The following MFAP3L variants were observed in gnomAD, a reference collection of about 807,000 sequenced individuals.
MFAP3L encodes microfibril associated protein 3 like.
A neutral mutation model predicts 20.0 loss-of-function variants in MFAP3L; 5 were observed. That is an observed-to-expected ratio of 0.25 (90% CI 0.13 to 0.53). The LOEUF (loss-of-function observed/expected upper bound fraction) is 0.53, where lower values mean the gene tolerates loss of function less well. MFAP3L is among the 20% of genes least tolerant of loss of function. MFAP3L has a pLI of 0.96. For missense variants in MFAP3L, 409 were observed against 527.5 expected (o/e 0.78, Z 2.20); for synonymous variants, 219 against 213.0 (o/e 1.03, Z -0.25).
chr4:170,003,540 C>T (rs765845334), intron 2 of MFAP3L: 53 of 331,570 alleles, frequency 1.6e-4, no homozygotes, highest in Non-Finnish European at 2.2e-4. Context: ...AGATACTACA[C>T]TTTGGGATAA....
chr4:169,988,707 AT>A lies in MFAP3L; in HGVS notation c.*2670del. The A allele has an allele frequency of 6.6e-6, 1 of 152,254 alleles. No individual in the cohort carries two copies. Among genetic ancestry groups the A allele is most frequent in the Non-Finnish European group, 1.5e-5 (1 of 68,018 alleles). 9.4% of individuals were successfully genotyped at this position (152,254 alleles called of 1,614,324 possible). A position where few individuals can be genotyped will look rare whatever the true frequency, so the allele number is the denominator to read the frequency against. ...GTAGGATGGATAGGAAGAGTGTAGC[AT>A]TTTTGGAAGGAGAAATTCCCATTTT... On this transcript the variant is annotated 3_prime_UTR_variant, in exon 3 of 3. Coordinates refer to ENST00000361618, the MANE Select transcript of MFAP3L (RefSeq NM_021647.8).
intron 1 of MFAP3L, among the ~76,000 whole-genome samples, chr4:170,011,100 G>A (rs758819931): frequency 5.9e-5 from 9 of 152,272 alleles, no homozygotes; most frequent in Middle Eastern, 3.4e-3. Flanking sequence ...GCCTGCTGCC[G>A]TGTAAGACAT....
At position 169,991,876 on chromosome 4, in the gene MFAP3L, C is replaced by T. The variant is rs138351719; in HGVS notation, c.732G>A (p.Pro244=). 97 of 1,614,130 alleles carry T rather than the reference C, an allele frequency of 6.0e-5. 1 individual carries two copies. The highest frequency in any genetic ancestry group is 2.0e-4 in the South Asian group (18 of 91,076). Residue 244 remains proline (P), a synonymous_variant, in exon 3 of 3, where the codon CCG becomes CCA. Coordinates refer to ENST00000361618, the MANE Select transcript of MFAP3L (RefSeq NM_021647.8). The surrounding 1 kb of genome is among the most constrained non-coding windows in gnomAD (Gnocchi z 4.9). ...IEELARSVPL[P]PLIMNCRTIM... ...TAGTCCTGCAGTTCATAATGAGAGG[C>T]GGCAGAGGCACGCTCCTGGCAAGCT... is the stretch of plus-strand genomic sequence containing the variant.
At chr4:170,004,956 G>C (rs985096127) in intron 2 of MFAP3L, 17 of 152,430 alleles carry the variant, frequency 1.1e-4, no homozygotes, top group African/African-American at 4.1e-4. Flanking sequence ...CCTCTCTCTG[G>C]CTAGTCTTTC....
intron 2 of MFAP3L, among the ~76,000 whole-genome samples, chr4:170,000,721 A>C (rs762972771): frequency 4.6e-5 from 7 of 152,138 alleles, no homozygotes; most frequent in Non-Finnish European, 7.4e-5. Flanking sequence ...GTTTGCTACC[A>C]TTTGATGTTC....
At chr4:169,997,706 G>A (rs1738282857) in intron 2 of MFAP3L, 2 of 985,274 alleles carry the variant, frequency 2.0e-6, no homozygotes, top group African/African-American at 1.7e-5. Flanking sequence ...GTAGGTATAA[G>A]GGGCAGGCCC....
At chr4:170,014,075 C>G (rs566808100) in intron 1 of MFAP3L, among the ~76,000 whole-genome samples, 1 of 152,150 alleles carries the variant, frequency 6.6e-6, no homozygotes, top group Non-Finnish European at 1.5e-5. Context: ...TCTTTGACAC[C>G]GTCCTTATTA....
intron 2 of MFAP3L, among the ~76,000 whole-genome samples, chr4:170,004,419 TAAAG>T (rs1738897029): frequency 6.6e-6 from 1 of 152,290 alleles, no homozygotes. Flanking sequence ...TATTTTGACT[TAAAG>T]GAAGAAGCTT....
intron 1 of MFAP3L, among the ~76,000 whole-genome samples, chr4:170,024,832 G>A (rs1258739120): frequency 1.3e-5 from 2 of 152,152 alleles, no homozygotes; most frequent in Non-Finnish European, 2.9e-5. Context: ...AGCCATCTCA[G>A]GCTTGCAAGC....
At chr4:169,997,799 A>ATTTTTTT (rs141898176) in intron 2 of MFAP3L, 1 of 888,360 alleles carries the variant, frequency 1.1e-6, no homozygotes, top group African/African-American at 4.2e-5. Flanking sequence ...CCTTTCATTA[A>ATTTTTTT]TTCTTTTTTT....
chr4:169,999,189 C>T lies in MFAP3L; in HGVS notation c.298+6391G>A, dbSNP rs768710328. Among the ~76,000 whole-genome samples, 24 of 152,232 alleles carry T rather than the reference C, an allele frequency of 1.6e-4. 1 individual carries two copies. On this transcript the variant is annotated intron_variant, in intron 2 of 2. Transcript: ENST00000361618. ...TCTTGTGCCTCCCCAACCCCACTCA[C>T]AACCCTCCCAAGAGACCTCTTCAGA...
rs910229023 is a variant in MFAP3L, at chr4:169,988,990, G to A, written c.*2388C>T. 6.6e-6 allele frequency: 1 copy of A among 152,066 alleles called. No homozygotes were observed. The highest frequency in any genetic ancestry group is 2.4e-5 in the African/African-American group (1 of 41,402). 9.4% of individuals were successfully genotyped at this position (152,066 alleles called of 1,614,324 possible). ...CTTTCCATGTGGAAACCTACACATG[G>A]GTTTGGGTGGAATGACAACTGAATA... On this transcript the variant is annotated 3_prime_UTR_variant, in exon 3 of 3. Transcript: ENST00000361618.
At position 170,005,602 on chromosome 4, in the gene MFAP3L, C is replaced by A. The variant is rs754250161; in HGVS notation, c.276G>T (p.Glu92Asp). The change falls in exon 2 of 3, where the codon GAG becomes GAT. Residue 92 changes from glutamate to aspartate, a missense_variant. This residue lies in a region of MFAP3L where 113 missense variants were observed against 131.1 expected (regional missense o/e 0.86). Transcript: ENST00000361618. ...NSIGKLLKEE[E>D]DEKERGGGKW... ...TACCTCCTCCTCTCTCCTTCTCATC[C>A]TCTTCTTCTTTCAGCAGCTTGCCAA... 9.1e-5 allele frequency: 147 copies of A among 1,614,020 alleles called. No homozygotes were observed. Among genetic ancestry groups the A allele is most frequent in the Non-Finnish European group, 1.2e-4 (142 of 1,180,024 alleles).
chr4:169,995,270 T>G (rs1454285141), intron 2 of MFAP3L, among the ~76,000 whole-genome samples: 1 of 152,156 alleles, frequency 6.6e-6, no homozygotes, highest in Non-Finnish European at 1.5e-5. Context: ...AAGACTATCA[T>G]AGAAGAGAAC....
chr4:170,026,175 T>C (rs1730389235), intron 1 of MFAP3L, 59 bp downstream of exon 1: 2 of 949,756 alleles, frequency 2.1e-6, no homozygotes, highest in South Asian at 4.8e-5. Context: ...GCCGACCCGG[T>C]GCGGGGCTGG....
chr4:169,998,532 C>T (rs562713751), intron 2 of MFAP3L, among the ~76,000 whole-genome samples: 4 of 152,136 alleles, frequency 2.6e-5, no homozygotes, highest in Non-Finnish European at 5.9e-5. Context: ...TTAAATCTTT[C>T]CAGGTTTACC....
intron 2 of MFAP3L, among the ~76,000 whole-genome samples, chr4:169,995,865 A>G (rs1738117121): frequency 6.6e-6 from 1 of 152,210 alleles, no homozygotes; most frequent in South Asian, 2.1e-4. Flanking sequence ...ATGCCAGGTC[A>G]GTTCTACATG....
rs77616561 is a variant in MFAP3L, at chr4:169,994,421, T to C, written c.299-2112A>G. 6,731 of 984,882 alleles carry C rather than the reference T, an allele frequency of 6.8e-3. 360 individuals carry two copies. The African/African-American group carries it at 0.11, about 16-fold the overall frequency. The allele number at this position is 984,882 out of a possible 1,614,324, so 61.0% of individuals were successfully genotyped here. A position where few individuals can be genotyped will look rare whatever the true frequency, so the allele number is the denominator to read the frequency against. ...TCTGATGGTAATACCAACAGCTTTT[T>C]CCCCAAACCTAAGTTACAACTTTAG... On this transcript the variant is annotated intron_variant, in intron 2 of 2. Transcript: ENST00000361618.
intron 1 of MFAP3L, among the ~76,000 whole-genome samples, chr4:170,008,488 T>C (rs984536514): frequency 6.6e-6 from 1 of 152,198 alleles, no homozygotes; most frequent in African/African-American, 2.4e-5. Flanking sequence ...GGATGGGAAG[T>C]GCCACAAAGC....
Sources: allele counts gnomAD v4.1 joint callset (sites outside exome capture counted in the v4.1 genomes callset), GRCh38; gene constraint gnomAD v4.1.1; regional missense constraint gnomAD v4.1.1; non-coding constraint Gnocchi (gnomAD v3.1); transcripts MANE v1.5; gene names NCBI Gene and HGNC (gene_info 2026-07-23, HGNC 2026-07-21).